SYN3: variants seen among roughly 807,000 people sequenced by gnomAD.
The protein encoded by SYN3 is synapsin-3.
In SYN3, 35 loss-of-function variants were observed where a neutral mutation model predicts 65.8. The observed-to-expected ratio is 0.53, with a 90% confidence interval of 0.41 to 0.70. SYN3 has a LOEUF of 0.70. Ranked by LOEUF, SYN3 falls within the 30% of genes least tolerant of loss-of-function variation. The pLI is 0.00. For missense variants in SYN3, 680 were observed against 749.0 expected (o/e 0.91, Z 1.08); for synonymous variants, 270 against 292.9 (o/e 0.92, Z 0.80).
At chr22:32,516,064 T>C (rs905306860) in intron 13 of SYN3, among the ~76,000 whole-genome samples, 9 of 152,258 alleles carry the variant, frequency 5.9e-5, no homozygotes, top group Non-Finnish European at 8.8e-5. Context: ...TCCCAAAGTG[T>C]TGGGATTACA....
intron 1 of SYN3, chr22:33,015,294 C>A: frequency 6.5e-6 from 4 of 616,612 alleles, no homozygotes; most frequent in Non-Finnish European, 1.0e-5. Context: ...TTTTAAACGG[C>A]GTTTGAACAA....
chr22:33,014,770 A>T (rs1254141272), intron 1 of SYN3, among the ~76,000 whole-genome samples: 8 of 151,976 alleles, frequency 5.3e-5, no homozygotes, highest in Non-Finnish European at 1.2e-4. Flanking sequence ...ACAACAGCAA[A>T]ACTCTGTCTC....
chr22:32,821,366 C>CTGCA (rs1331403827), intron 6 of SYN3, among the ~76,000 whole-genome samples: 4 of 152,196 alleles, frequency 2.6e-5, no homozygotes, highest in African/African-American at 9.7e-5. Context: ...CATTGAAGAT[C>CTGCA]TGCACTTGCT....
intron 4 of SYN3, among the ~76,000 whole-genome samples, chr22:32,898,671 T>C (rs892988046): frequency 6.6e-6 from 1 of 152,236 alleles, no homozygotes; most frequent in Non-Finnish European, 1.5e-5. Flanking sequence ...TATACATATA[T>C]GCATGTGTGT....
At chr22:32,746,379 G>T (rs1179836423) in intron 6 of SYN3, among the ~76,000 whole-genome samples, 2 of 152,148 alleles carry the variant, frequency 1.3e-5, no homozygotes, top group African/African-American at 4.8e-5. Context: ...AGATCCAGCT[G>T]GGTAACCATG....
At chr22:32,881,261 A>T (rs2049127103) in intron 4 of SYN3, among the ~76,000 whole-genome samples, 1 of 152,124 alleles carries the variant, frequency 6.6e-6, no homozygotes, top group Non-Finnish European at 1.5e-5. Context: ...GCCCATTTTG[A>T]GATGAAAAAT....
rs1222711351 is a variant in SYN3, at chr22:32,650,226, T to TCCCTCC, written c.712-53491_712-53490insGGAGGG. Among the ~76,000 whole-genome samples the TCCCTCC allele has an allele frequency of 1.3e-3, 153 of 114,620 alleles. 13 individuals are homozygous for TCCCTCC. The highest frequency in any genetic ancestry group is 6.0e-3 in the African/African-American group (135 of 22,416). 75.2% of individuals were successfully genotyped at this position (114,620 alleles called of 152,430 possible). On this transcript the variant is annotated intron_variant, in intron 6 of 13. Coordinates refer to ENST00000358763, the MANE Select transcript of SYN3 (RefSeq NM_003490.4). ...CTTTACACTTTTCTTTCTCTCTCTC[T>TCCCTCC]CTCTCTCCCTCCCTCCCTCCCTCCC...
intron 12 of SYN3, among the ~76,000 whole-genome samples, chr22:32,526,160 A>G (rs2057973529): frequency 6.6e-6 from 1 of 152,226 alleles, no homozygotes; most frequent in Non-Finnish European, 1.5e-5. Context: ...GTGTAAACAT[A>G]GCTTTTATAT....
chr22:32,886,291 G>A (rs1569303441), intron 4 of SYN3, among the ~76,000 whole-genome samples: 1 of 152,138 alleles, frequency 6.6e-6, no homozygotes, highest in Non-Finnish European at 1.5e-5. Flanking sequence ...CTTCTGCGAG[G>A]TCGTGAGAAT....
rs138189319 is a variant in SYN3, at chr22:32,836,856, G to A, written c.711+28059C>T. On this transcript the variant is annotated intron_variant, in intron 6 of 13. Transcript: ENST00000358763. The stretch of plus-strand genomic sequence containing the variant: ...GTTATAGATGTACCAGGGTCTCCTT[G>A]GCATCTGTGCTGTATAAAATCCATA... Among the ~76,000 whole-genome samples the A allele has an allele frequency of 1.6e-4, 25 of 152,284 alleles. No individual in the cohort carries two copies. The East Asian group carries it at 4.0e-3, about 25-fold the overall frequency.
intron 6 of SYN3, among the ~76,000 whole-genome samples, chr22:32,686,688 C>T (rs61409022): frequency 0.062 from 9,415 of 150,912 alleles, 352 homozygotes; most frequent in Non-Finnish European, 0.087. Context: ...CCTCCACTCC[C>T]GGGTTCAAGT....
At chr22:32,777,778 A>G in intron 6 of SYN3, among the ~76,000 whole-genome samples, 1 of 152,052 alleles carries the variant, frequency 6.6e-6, no homozygotes, top group East Asian at 1.9e-4. Flanking sequence ...TTTACTTAGT[A>G]TTTTCTTTGA....
At chr22:33,056,876 C>A (rs905166705) in intron 1 of SYN3, among the ~76,000 whole-genome samples, 3 of 152,154 alleles carry the variant, frequency 2.0e-5, no homozygotes, top group Non-Finnish European at 1.5e-5. Flanking sequence ...CTCTGTGAAA[C>A]AGAAAGGGGA....
chr22:32,558,554 T>C (rs1466572362), intron 7 of SYN3, among the ~76,000 whole-genome samples: 1 of 152,252 alleles, frequency 6.6e-6, no homozygotes, highest in Non-Finnish European at 1.5e-5. Flanking sequence ...CCTTTTCCTA[T>C]CTTTTCTCTT....
At chr22:33,036,721 C>T (rs371427302) in intron 1 of SYN3, among the ~76,000 whole-genome samples, 3 of 118,164 alleles carry the variant, frequency 2.5e-5, no homozygotes, top group African/African-American at 7.0e-5. Flanking sequence ...GACAGAGTTG[C>T]GCTCTTGTTG....
chr22:32,652,136 C>T (rs988768723), intron 6 of SYN3, among the ~76,000 whole-genome samples: 2 of 152,130 alleles, frequency 1.3e-5, no homozygotes, highest in African/African-American at 2.4e-5. Flanking sequence ...TGTATTTACC[C>T]GTAGGGTCAT....
rs147024852 is a variant in SYN3 at position 32,793,788 on chromosome 22, A to C, written c.711+71127T>G. Among the ~76,000 whole-genome samples, 3 of 152,364 alleles carry C rather than the reference A, an allele frequency of 2.0e-5. No homozygotes were observed. The East Asian group carries it at 5.8e-4, about 29-fold the overall frequency. The stretch of plus-strand genomic sequence containing the variant: ...ACTTGGAAACAAGGTCATCTGTCTT[A>C]CTGAAGCCATACATTCATGCACCAT... On this transcript the variant is annotated intron_variant, in intron 6 of 13. Transcript: ENST00000358763.
chr22:32,938,522 T>A (rs2050840834), intron 3 of SYN3, among the ~76,000 whole-genome samples: 1 of 143,620 alleles, frequency 7.0e-6, no homozygotes, highest in Non-Finnish European at 1.5e-5. Flanking sequence ...AGAGTGAGAC[T>A]CTGTCTCAGA....
At chr22:33,047,819 C>T (rs1374261143) in intron 1 of SYN3, among the ~76,000 whole-genome samples, 1 of 147,216 alleles carries the variant, frequency 6.8e-6, no homozygotes. Context: ...TCTCTTAATC[C>T]TCTTATCCTT....
Sources: gnomAD v4.1 joint callset for allele counts (sites outside exome capture counted in the v4.1 genomes callset) on GRCh38, gnomAD v4.1.1 for gene constraint, MANE v1.5 for transcripts, NCBI Gene and HGNC (gene_info 2026-07-23, HGNC 2026-07-21) for gene names.